The following IMMP2L variants were observed in gnomAD, a reference collection of about 807,000 sequenced individuals.
IMMP2L encodes inner mitochondrial membrane peptidase subunit 2, also known as mitochondrial inner membrane protease subunit 2.
In IMMP2L, 18 loss-of-function variants were observed where a neutral mutation model predicts 19.3. The ratio of observed to expected loss-of-function variants is 0.93; its 90% CI spans 0.64 to 1.38. The LOEUF is 1.38. IMMP2L is among the 40% of genes most tolerant of loss of function. The pLI, the probability that IMMP2L is intolerant of heterozygous loss-of-function variation, is 0.00. For missense variants in IMMP2L, 233 were observed against 218.2 expected, an observed-to-expected ratio of 1.07 and a Z score of -0.43; for synonymous variants, 76 against 73.0, an observed-to-expected ratio of 1.04 and a Z score of -0.21.
intron 2 of IMMP2L, among the ~76,000 whole-genome samples, chr7:111,509,682 C>A (rs1013905045): frequency 6.6e-6 from 1 of 151,816 alleles, no homozygotes; most frequent in African/African-American, 2.4e-5. Context: ...GTGTATAGTG[C>A]AAAATATATT....
At chr7:110,724,647 T>G (rs532576131) in intron 5 of IMMP2L, 1 of 152,064 alleles carries the variant, frequency 6.6e-6, no homozygotes, top group Non-Finnish European at 1.5e-5. Context: ...AGGAAAGAGA[T>G]ATTTTAAAAA....
intron 3 of IMMP2L, among the ~76,000 whole-genome samples, chr7:111,255,533 T>G (rs1331253288): frequency 6.6e-6 from 1 of 152,006 alleles, no homozygotes. Flanking sequence ...AGAGAATGAA[T>G]TAGACTATAA....
chr7:111,496,595 TTC>T (rs1157289073), intron 2 of IMMP2L, among the ~76,000 whole-genome samples: 2 of 152,174 alleles, frequency 1.3e-5, no homozygotes, highest in Non-Finnish European at 2.9e-5. Flanking sequence ...TATTTTCATA[TTC>T]TCTCTCGCTC....
At chr7:111,102,878 T>G (rs1032160878) in intron 3 of IMMP2L, among the ~76,000 whole-genome samples, 3 of 151,514 alleles carry the variant, frequency 2.0e-5, no homozygotes, top group Non-Finnish European at 3.0e-5. Flanking sequence ...TAAATCTCAT[T>G]GTAAACTTAT....
chr7:111,158,700 T>C (rs1448427852), intron 3 of IMMP2L, among the ~76,000 whole-genome samples: 2 of 152,154 alleles, frequency 1.3e-5, no homozygotes, highest in East Asian at 1.9e-4. Flanking sequence ...CAAATACATA[T>C]TGTGTTGAAT....
At chr7:111,141,277 A>G (rs997625017) in intron 3 of IMMP2L, among the ~76,000 whole-genome samples, 4 of 152,016 alleles carry the variant, frequency 2.6e-5, no homozygotes, top group Non-Finnish European at 4.4e-5. Context: ...ATAATACTAC[A>G]AAGAATGTGA....
intron 3 of IMMP2L, among the ~76,000 whole-genome samples, chr7:111,003,028 A>G (rs1398296379): frequency 6.6e-6 from 1 of 152,164 alleles, no homozygotes; most frequent in Non-Finnish European, 1.5e-5. Flanking sequence ...TCTAGTTGAC[A>G]TAGATATTGT....
chr7:111,299,723 CAT>C (rs1822018919), intron 3 of IMMP2L, among the ~76,000 whole-genome samples: 4 of 151,924 alleles, frequency 2.6e-5, no homozygotes, highest in Middle Eastern at 3.4e-3. Context: ...AGAGGAATCT[CAT>C]GTGTGAATTT....
chr7:111,526,560 A>G (rs530914756), intron 1 of IMMP2L, among the ~76,000 whole-genome samples: 8 of 152,308 alleles, frequency 5.3e-5, no homozygotes, highest in Non-Finnish European at 7.4e-5. Context: ...TTTCTATCCC[A>G]TCACAATGAA....
In IMMP2L at chr7:110,803,523, T is replaced by A. The variant is rs910789059; in HGVS notation, c.408+83070A>T. ...ACACAGGGAGAAGGAGAAAGGAGAA[T>A]GAGGCTGAGAGGGAAGTCAGTTGAC... On this transcript the variant is annotated intron_variant, in intron 5 of 5. Transcript: ENST00000405709. The surrounding 1 kb of genome is among the most constrained non-coding windows in gnomAD (Gnocchi z 4.2). Among the ~76,000 whole-genome samples, 2 of 151,868 alleles carry A rather than the reference T, an allele frequency of 1.3e-5. No homozygotes were observed. Among genetic ancestry groups the A allele is most frequent in the Non-Finnish European group, 1.5e-5 (1 of 67,962 alleles).
At chr7:111,555,898 C>T (rs975431808) in intron 1 of IMMP2L, among the ~76,000 whole-genome samples, 1 of 150,826 alleles carries the variant, frequency 6.6e-6, no homozygotes, top group Non-Finnish European at 1.5e-5. Flanking sequence ...GAAAAGAGAA[C>T]CCTTGTATAC....
chr7:110,872,324 T>C (rs1808615619), intron 5 of IMMP2L, among the ~76,000 whole-genome samples: 1 of 152,190 alleles, frequency 6.6e-6, no homozygotes. Flanking sequence ...AAATCCTATC[T>C]TTTCTTCAAG....
chr7:110,710,952 A>G (rs1389712933), intron 5 of IMMP2L, among the ~76,000 whole-genome samples: 6 of 21,728 alleles, frequency 2.8e-4, no homozygotes, highest in Non-Finnish European at 4.1e-4. Context: ...ATGGGTCTTG[A>G]CTCTTTATCC....
chr7:110,892,110 T>A (rs1414293265), intron 4 of IMMP2L, among the ~76,000 whole-genome samples: 2 of 152,064 alleles, frequency 1.3e-5, no homozygotes, highest in African/African-American at 2.4e-5. Flanking sequence ...ACCCATTGTC[T>A]CTCCTAAATA....
chr7:111,489,904 T>C (rs1002481904), intron 2 of IMMP2L, among the ~76,000 whole-genome samples: 1 of 152,122 alleles, frequency 6.6e-6, no homozygotes, highest in African/African-American at 2.4e-5. Context: ...TCTTCTGCTT[T>C]TCTGCCTCAG....
intron 2 of IMMP2L, among the ~76,000 whole-genome samples, chr7:111,513,040 C>CA (rs1845589114): frequency 1.3e-5 from 2 of 152,018 alleles, no homozygotes; most frequent in Non-Finnish European, 2.9e-5. Context: ...AGAAAAGCTC[C>CA]ATGACACTGA....
At chr7:110,939,396 A>AAAC (rs1462927296) in intron 4 of IMMP2L, among the ~76,000 whole-genome samples, 31 of 151,992 alleles carry the variant, frequency 2.0e-4, no homozygotes, top group Non-Finnish European at 4.3e-4. Flanking sequence ...TGCAAAAAAA[A>AAAC]AAAAAAAAAT....
intron 3 of IMMP2L, among the ~76,000 whole-genome samples, chr7:110,976,478 T>C (rs1229807647): frequency 6.6e-6 from 1 of 152,094 alleles, no homozygotes; most frequent in Non-Finnish European, 1.5e-5. Context: ...TTTATGAATA[T>C]CCAAACTGAT....
chr7:110,843,170 A>G (rs1284519086), intron 5 of IMMP2L, among the ~76,000 whole-genome samples: 3 of 152,186 alleles, frequency 2.0e-5, no homozygotes, highest in Non-Finnish European at 2.9e-5. Flanking sequence ...ATGGTATTGA[A>G]TTTATTCCAA....
Sources: allele counts gnomAD v4.1 joint callset (sites outside exome capture counted in the v4.1 genomes callset), GRCh38; gene constraint gnomAD v4.1.1; non-coding constraint Gnocchi (gnomAD v3.1); transcripts MANE v1.5; gene names NCBI Gene and HGNC (gene_info 2026-07-23, HGNC 2026-07-21).